The following NFATC1 variants were observed in gnomAD, a reference collection of about 807,000 sequenced individuals.
The protein encoded by NFATC1 is nuclear factor of activated T-cells, cytoplasmic 1.
NFATC1 carries 22 observed loss-of-function variants against 76.0 expected under a neutral mutation model. That is an observed-to-expected ratio of 0.29 (90% CI 0.21 to 0.41). The LOEUF (loss-of-function observed/expected upper bound fraction) is 0.41. Ranked by LOEUF, NFATC1 falls within the 10% of genes least tolerant of loss-of-function variation. The pLI, the probability that NFATC1 is intolerant of heterozygous loss-of-function variation, is 1.00. For synonymous variants in NFATC1, 704 were observed against 613.1 expected, an observed-to-expected ratio of 1.15 and a Z score of -2.19; for missense variants, 1,357 against 1,337.7, an observed-to-expected ratio of 1.01 and a Z score of -0.23.
intron 8 of NFATC1, among the ~76,000 whole-genome samples, chr18:79,480,137 A>T (rs1569013434): frequency 6.6e-6 from 1 of 152,190 alleles, no homozygotes; most frequent in Non-Finnish European, 1.5e-5. Flanking sequence ...GACTCACAAG[A>T]TGCCGTCGTG....
intron 6 of NFATC1, among the ~76,000 whole-genome samples, chr18:79,460,111 G>A (rs1476998578): frequency 6.6e-6 from 1 of 152,170 alleles, no homozygotes; most frequent in African/African-American, 2.4e-5. Context: ...GGGCCTCCCG[G>A]GCTGGCATGG....
intron 8 of NFATC1, among the ~76,000 whole-genome samples, chr18:79,476,693 G>T (rs931319117): frequency 6.6e-6 from 1 of 152,164 alleles, no homozygotes; most frequent in Admixed American, 6.5e-5. Flanking sequence ...CTCTCACCCC[G>T]ACCGACACAC....
At chr18:79,466,138 G>T (rs1017025686) in intron 7 of NFATC1, among the ~76,000 whole-genome samples, 1 of 152,204 alleles carries the variant, frequency 6.6e-6, no homozygotes, top group Admixed American at 6.5e-5. Flanking sequence ...CTGGGCCTCA[G>T]CTGTTTCATT....
chr18:79,525,829 G>A (rs1426922643), intron 9 of NFATC1, among the ~76,000 whole-genome samples: 1 of 152,208 alleles, frequency 6.6e-6, no homozygotes, highest in Non-Finnish European at 1.5e-5. Flanking sequence ...TCTTCCTCCT[G>A]GGCAGGTGGC....
rs745816383 is a variant in NFATC1, at chr18:79,451,733, C to T, written c.1820C>T (p.Pro607Leu). 3.3e-5 allele frequency: 53 copies of T among 1,612,928 alleles called. No individual in the cohort carries two copies. In the Middle Eastern group the frequency reaches 4.9e-4, roughly 15 times the overall value. ...LVEKQSTDSY[P>L]VVGGKKMVLS... Reference sequence around the variant, plus strand: ...GAGAAGCAGAGCACGGACAGCTATCCGGTCGTGGGCGGGAAGAAGATGGTC... The same window carrying T: ...GAGAAGCAGAGCACGGACAGCTATCTGGTCGTGGGCGGGAAGAAGATGGTC... Residue 607 changes from proline to leucine, a missense_variant, in exon 6 of 10, where the codon CCG becomes CTG. Around this residue, in one of 3 missense-constraint regions of NFATC1, gnomAD observed 242 missense variants for 329.2 expected, o/e 0.74. Coordinates refer to ENST00000427363, the MANE Select transcript of NFATC1 (RefSeq NM_001278669.2).
chr18:79,411,390 C>G lies in NFATC1; in HGVS notation c.1115C>G (p.Ser372Cys). The change falls in exon 2 of 10, where the codon TCC (serine) becomes TGC (cysteine). Residue 372 changes from serine to cysteine, a missense_variant. Physicochemically the swap from Ser to Cys is moderately radical, Grantham distance 112 (BLOSUM62 -1). This residue lies in a region of NFATC1 where 691 missense variants were observed against 613.1 expected (regional missense o/e 1.13). Coordinates refer to ENST00000427363, the MANE Select transcript of NFATC1 (RefSeq NM_001278669.2). ...GCCGACTTCGCGCCCGAAGACTACT[C>G]CTCTTTCCAGCACATCAGGAAGGGC... Reference protein sequence around the residue: ...PPADFAPEDYSSFQHIRKGGF... With the variant: ...PPADFAPEDYCSFQHIRKGGF... 6.3e-7 allele frequency: 1 copy of G among 1,577,838 alleles called. No homozygotes were observed. Among genetic ancestry groups the G allele is most frequent in the Non-Finnish European group, 8.6e-7 (1 of 1,163,574 alleles).
intron 2 of NFATC1, among the ~76,000 whole-genome samples, chr18:79,432,814 C>T (rs893746068): frequency 7.2e-5 from 11 of 152,164 alleles, no homozygotes; most frequent in African/African-American, 1.9e-4. Context: ...GCCGAGGGCA[C>T]GGGCAGGACC....
intron 9 of NFATC1, among the ~76,000 whole-genome samples, chr18:79,508,871 T>C (rs1235562132): frequency 6.6e-6 from 1 of 151,950 alleles, no homozygotes; most frequent in Non-Finnish European, 1.5e-5. Context: ...TGTCTCTGCC[T>C]CTCTGTCTCT....
At chr18:79,478,097 G>T (rs1358289691) in intron 8 of NFATC1, among the ~76,000 whole-genome samples, 1 of 105,830 alleles carries the variant, frequency 9.4e-6, no homozygotes, top group Non-Finnish European at 2.0e-5. Flanking sequence ...CCATCCCCAG[G>T]CCCCCGTTCT....
At chr18:79,450,621 T>C (rs1180905275) in intron 4 of NFATC1, among the ~76,000 whole-genome samples, 1 of 152,052 alleles carries the variant, frequency 6.6e-6, no homozygotes, top group Non-Finnish European at 1.5e-5. Context: ...AGCCAGGACT[T>C]GGGACAGCTC....
chr18:79,398,703 C>G (rs913406137), intron 1 of NFATC1, among the ~76,000 whole-genome samples: 4 of 152,240 alleles, frequency 2.6e-5, no homozygotes, highest in African/African-American at 7.2e-5. Flanking sequence ...AAGTTTTAGT[C>G]TAAACAGATG....
chr18:79,436,366 C>T (rs192622601), intron 3 of NFATC1, among the ~76,000 whole-genome samples: 24 of 152,330 alleles, frequency 1.6e-4, no homozygotes, highest in East Asian at 1.2e-3. Context: ...CGTTGTGAAT[C>T]GTCTGTCCGC....
intron 9 of NFATC1, chr18:79,527,068 G>A (rs1039899534): frequency 8.9e-5 from 14 of 158,126 alleles, no homozygotes; most frequent in Middle Eastern, 6.6e-3. Context: ...CACAGGTGAC[G>A]GGGAACGTCA....
intron 8 of NFATC1, among the ~76,000 whole-genome samples, chr18:79,485,361 A>G (rs2089463419): frequency 6.6e-6 from 1 of 152,204 alleles, no homozygotes; most frequent in Admixed American, 6.5e-5. Flanking sequence ...TGTCTCCTCT[A>G]AGTAGCACGA....
At chr18:79,429,520 GA>G (rs893724172) in intron 2 of NFATC1, among the ~76,000 whole-genome samples, 37 of 152,294 alleles carry the variant, frequency 2.4e-4, no homozygotes, top group African/African-American at 8.9e-4. Context: ...GCTGGTCAGA[GA>G]CCCCCGACTG....
At chr18:79,478,200 C>G (rs111565371) in intron 8 of NFATC1, among the ~76,000 whole-genome samples, 1 of 150,916 alleles carries the variant, frequency 6.6e-6, no homozygotes, top group African/African-American at 2.4e-5. Flanking sequence ...ACCAACCACA[C>G]AGGAAGCCAA....
At chr18:79,481,289 G>C (rs2089262623) in intron 8 of NFATC1, among the ~76,000 whole-genome samples, 1 of 152,246 alleles carries the variant, frequency 6.6e-6, no homozygotes. Context: ...AAGGCAAGAC[G>C]CGTGCCCTGG....
In NFATC1 at chr18:79,509,857, C is replaced by A. The variant is rs192058774; in HGVS notation, c.2783-17671C>A. On this transcript the variant is annotated intron_variant, in intron 9 of 9. Coordinates refer to ENST00000427363, the MANE Select transcript of NFATC1 (RefSeq NM_001278669.2). ...CACTTTCTCTGGGCTGACCTCACCT[C>A]GGTGTTTGGAAATGGACCAAGACTT... is the stretch of plus-strand genomic sequence containing the variant. Among the ~76,000 whole-genome samples the A allele has an allele frequency of 2.6e-5, 4 of 152,194 alleles. No individual in the cohort carries two copies. In the South Asian group the frequency reaches 8.3e-4, roughly 32 times the overall value.
chr18:79,412,205 C>T (rs1041653087), intron 2 of NFATC1, among the ~76,000 whole-genome samples: 6 of 152,198 alleles, frequency 3.9e-5, no homozygotes, highest in African/African-American at 7.2e-5. Context: ...ACTTAACCAG[C>T]TTGGTGTTTT....
Sources: allele counts gnomAD v4.1 joint callset (sites outside exome capture counted in the v4.1 genomes callset), GRCh38; gene constraint gnomAD v4.1.1; regional missense constraint gnomAD v4.1.1; transcripts MANE v1.5; gene names NCBI Gene and HGNC (gene_info 2026-07-23, HGNC 2026-07-21).